DOCK7: variants seen among roughly 807,000 people sequenced by gnomAD.
DOCK7 encodes the protein dedicator of cytokinesis protein 7.
Under a neutral mutation model 271.0 loss-of-function variants are expected in DOCK7, and 138 were observed. The observed-to-expected ratio is 0.51, with a 90% CI of 0.44 to 0.59. The LOEUF (loss-of-function observed/expected upper bound fraction) is 0.59. Ranked by LOEUF, DOCK7 falls within the 20% of genes least tolerant of loss-of-function variation. DOCK7 has a pLI of 0.00. For missense variants in DOCK7, 2,066 were observed against 2,592.4 expected, an observed-to-expected ratio of 0.80 and a Z score of 4.41; for synonymous variants, 823 against 876.1, an observed-to-expected ratio of 0.94 and a Z score of 1.07.
intron 31 of DOCK7, among the ~76,000 whole-genome samples, chr1:62,523,068 G>C (rs1456257131): frequency 2.6e-5 from 4 of 152,110 alleles, no homozygotes; most frequent in Non-Finnish European, 5.9e-5. Flanking sequence ...TAAACAATGG[G>C]GGGATTTGTG....
intron 31 of DOCK7, among the ~76,000 whole-genome samples, chr1:62,516,518 C>G (rs1644666576): frequency 6.6e-6 from 1 of 152,132 alleles, no homozygotes; most frequent in African/African-American, 2.4e-5. Context: ...AAGGGATGAC[C>G]TCTAGAAAAC....
chr1:62,673,031 G>A (rs1660181249), intron 1 of DOCK7, among the ~76,000 whole-genome samples: 1 of 151,964 alleles, frequency 6.6e-6, no homozygotes, highest in South Asian at 2.1e-4. Flanking sequence ...CTTCATGTAT[G>A]GCTAAATAAA....
At chr1:62,500,959 C>T (rs1032173444) in intron 37 of DOCK7, among the ~76,000 whole-genome samples, 7 of 152,090 alleles carry the variant, frequency 4.6e-5, no homozygotes, top group African/African-American at 1.7e-4. Context: ...ACAGCTTGAG[C>T]CCAGGAGTTC....
chr1:62,514,198 T>C (rs1304987563), intron 31 of DOCK7, among the ~76,000 whole-genome samples: 2 of 151,974 alleles, frequency 1.3e-5, no homozygotes. Flanking sequence ...TAAAAGATTC[T>C]ACCATTAAAA....
At chr1:62,646,374 T>C (rs1656665076) in intron 7 of DOCK7, among the ~76,000 whole-genome samples, 1 of 152,080 alleles carries the variant, frequency 6.6e-6, no homozygotes, top group Non-Finnish European at 1.5e-5. Flanking sequence ...CTAACAGGTA[T>C]TGTTATGGTA....
At position 62,529,453 on chromosome 1, in the gene DOCK7, A is replaced by T. The variant is rs1342477896; in HGVS notation, c.3612-7T>A. The stretch of plus-strand genomic sequence containing the variant: ...CTTATGCAATCCAAACAGTCTATTT[A>T]AAAAGAAGAAGACAAAGAAGAAAAA... On this transcript the variant is annotated splice_region_variant and splice_polypyrimidine_tract_variant and intron_variant, in intron 29 of 49. Coordinates refer to ENST00000635253, the MANE Select transcript of DOCK7 (RefSeq NM_001367561.1). 1 of 1,595,778 alleles carries T rather than the reference A, an allele frequency of 6.3e-7. No homozygotes were observed. The highest frequency in any genetic ancestry group is 2.2e-5 in the East Asian group (1 of 44,520).
At chr1:62,485,313 ACTGAAATACTAAG>A (rs1168568539) in intron 43 of DOCK7, 1 of 985,290 alleles carries the variant, frequency 1.0e-6, no homozygotes, top group African/African-American at 1.7e-5. Flanking sequence ...TAAAGACTTT[ACTGAAATACTAAG>A]TTTTAGAGTT....
intron 10 of DOCK7, among the ~76,000 whole-genome samples, chr1:62,632,584 A>C (rs1390605119): frequency 6.6e-6 from 1 of 152,224 alleles, no homozygotes; most frequent in Admixed American, 6.5e-5. Flanking sequence ...TTGTGTTCAA[A>C]GATCCAAAGA....
At position 62,535,576 on chromosome 1, in the gene DOCK7, T is replaced by C. The variant is rs2149385594; in HGVS notation, c.3528A>G (p.Leu1176=). The stretch of plus-strand genomic sequence containing the variant: ...AATGCTGTTGGCGGAAAGGCACGGA[T>C]AATTCAAACATATTTGCAATCTTTT... ...QDQKIANMFE[L]SVPFRQQHYL... The change falls in exon 29 of 50, where the codon TTA becomes TTG. Residue 1176 remains leucine (L), a synonymous_variant. Coordinates refer to ENST00000635253, the MANE Select transcript of DOCK7 (RefSeq NM_001367561.1). The C allele has an allele frequency of 6.2e-7, 1 of 1,614,070 alleles. No homozygotes were observed.
chr1:62,612,960 AC>A (rs1283643502), intron 14 of DOCK7, among the ~76,000 whole-genome samples: 1 of 152,224 alleles, frequency 6.6e-6, no homozygotes, highest in Non-Finnish European at 1.5e-5. Context: ...CTGTGGACAT[AC>A]CTCTTAAAAA....
At chr1:62,485,649 T>C (rs545270643) in intron 43 of DOCK7, 2 of 985,174 alleles carry the variant, frequency 2.0e-6, no homozygotes, top group South Asian at 9.4e-5. Context: ...ATACACAAGA[T>C]AGAACTTACC....
chr1:62,626,024 T>TA (rs1325836969), intron 11 of DOCK7, among the ~76,000 whole-genome samples: 1 of 152,122 alleles, frequency 6.6e-6, no homozygotes, highest in Non-Finnish European at 1.5e-5. Context: ...TCAAAGAGAT[T>TA]AAAATCATAT....
intron 18 of DOCK7, among the ~76,000 whole-genome samples, chr1:62,569,725 T>C (rs1377653373): frequency 4.3e-5 from 1 of 23,064 alleles, no homozygotes; most frequent in African/African-American, 1.7e-4. Flanking sequence ...CCCCCCCCTT[T>C]TTTTTTGAGA....
chr1:62,641,028 T>C (rs964852497), intron 7 of DOCK7: 5 of 170,194 alleles, frequency 2.9e-5, no homozygotes, highest in Non-Finnish European at 6.2e-5. Context: ...GCACCTGGAC[T>C]GCCCCTCCTG....
At position 62,653,959 on chromosome 1, in the gene DOCK7, C is replaced by A. The variant is rs770597166; in HGVS notation, c.320+25G>T. On this transcript the variant is annotated intron_variant, in intron 3 of 49. Coordinates refer to ENST00000635253, the MANE Select transcript of DOCK7 (RefSeq NM_001367561.1). ...AGCCTTTCTATAGTTCCTCTAAAGC[C>A]AAAAATAAGTCAATGTCTCCTTACC... is the stretch of plus-strand genomic sequence containing the variant. 2.5e-6 allele frequency: 4 copies of A among 1,601,632 alleles called. No individual in the cohort carries two copies. The African/African-American group carries it at 4.0e-5, about 16-fold the overall frequency.
rs757645191 is a variant in DOCK7 at position 62,631,286 on chromosome 1, A to G, written c.1236T>C (p.Ala412=). The change falls in exon 11 of 50, where the codon GCT becomes GCC. Residue 412 remains alanine (A), a synonymous_variant. Coordinates refer to ENST00000635253, the MANE Select transcript of DOCK7 (RefSeq NM_001367561.1). The stretch of plus-strand genomic sequence containing the variant: ...CTGTAGAATCTCTTTCCAAACTCCC[A>G]GCACTGCTAACAATATTCATTAAAT... The part of the protein sequence containing the change: ...AIHLMNIVSS[A]GSLERDSTEV... The G allele has an allele frequency of 6.2e-7, 1 of 1,613,080 alleles. No homozygotes were observed. Among genetic ancestry groups the G allele is most frequent in the Non-Finnish European group, 8.5e-7 (1 of 1,179,638 alleles).
In DOCK7 at chr1:62,604,533, G is replaced by A. The variant is rs1650661688; in HGVS notation, c.1682+14173C>T. 3.2e-6 allele frequency: 4 copies of A among 1,263,200 alleles called. No homozygotes were observed. The Admixed American group carries it at 5.7e-5, about 18-fold the overall frequency. The allele number at this position is 1,263,200 out of a possible 1,614,324, so 78.2% of individuals were successfully genotyped here. A position where few individuals can be genotyped will look rare whatever the true frequency, so the allele number is the denominator to read the frequency against. On this transcript the variant is annotated intron_variant, in intron 14 of 49. Coordinates refer to ENST00000635253, the MANE Select transcript of DOCK7 (RefSeq NM_001367561.1). ...CTGGGATACATGCATCTAAAACACT[G>A]TAATATTTATAAGAAAGGAAGATAA...
intron 7 of DOCK7, chr1:62,638,339 G>A (rs1655534041): frequency 6.6e-6 from 1 of 151,650 alleles, no homozygotes; most frequent in East Asian, 1.9e-4. Flanking sequence ...TTCTTCTAGG[G>A]GTAGTGCTTT....
At chr1:62,505,583 A>G in intron 36 of DOCK7, 99 bp downstream of exon 36, 2 of 1,290,010 alleles carry the variant, frequency 1.6e-6, no homozygotes, top group Non-Finnish European at 2.1e-6. Context: ...TCATTAATAT[A>G]TTACTACATA....
Sources: gnomAD v4.1 joint callset for allele counts (sites outside exome capture counted in the v4.1 genomes callset) on GRCh38, gnomAD v4.1.1 for gene constraint, MANE v1.5 for transcripts, NCBI Gene and HGNC (gene_info 2026-07-23, HGNC 2026-07-21) for gene names.